The following GSE1 variants were observed in gnomAD, a reference collection of about 807,000 sequenced individuals.
The protein encoded by GSE1 is genetic suppressor element 1.
A neutral mutation model predicts 112.6 loss-of-function variants in GSE1; 32 were observed. That is an observed-to-expected ratio of 0.28 (90% CI 0.21 to 0.38). The LOEUF (loss-of-function observed/expected upper bound fraction) is 0.38, where lower values mean the gene tolerates loss of function less well. GSE1 is among the 10% of genes least tolerant of loss of function. The pLI is 1.00. For synonymous variants in GSE1, 1,115 were observed against 735.6 expected (o/e 1.52, Z -8.35); for missense variants, 2,348 against 1,699.2 (o/e 1.38, Z -6.71).
intron 2 of GSE1, among the ~76,000 whole-genome samples, chr16:85,403,861 C>T (rs1167830207): frequency 6.6e-6 from 1 of 152,132 alleles, no homozygotes; most frequent in Non-Finnish European, 1.5e-5. Context: ...GCCAGAACTC[C>T]AGCATCAAGG....
chr16:85,561,899 C>A (rs1000657833), intron 1 of GSE1, among the ~76,000 whole-genome samples: 4 of 152,204 alleles, frequency 2.6e-5, no homozygotes, highest in Non-Finnish European at 5.9e-5. Context: ...GGGGCTCAGG[C>A]CCACCTGGGT....
intron 14 of GSE1, among the ~76,000 whole-genome samples, chr16:85,668,856 C>T (rs993341210): frequency 5.3e-5 from 8 of 152,234 alleles, no homozygotes; most frequent in African/African-American, 1.9e-4. Flanking sequence ...GCTCTGTGGC[C>T]GGTGGGTGCC....
chr16:85,275,986 G>T (rs1356429298), intron 1 of GSE1, among the ~76,000 whole-genome samples: 1 of 152,234 alleles, frequency 6.6e-6, no homozygotes, highest in Non-Finnish European at 1.5e-5. Flanking sequence ...TGGCCTCAGG[G>T]TCCCCCTCCC....
chr16:85,584,154 G>A (rs568452393), intron 1 of GSE1, among the ~76,000 whole-genome samples: 4 of 150,226 alleles, frequency 2.7e-5, no homozygotes, highest in Non-Finnish European at 5.9e-5. Context: ...CGTGCGTGCC[G>A]GTGCGTGGGC....
At chr16:85,651,660 C>T (rs917648108) in intron 3 of GSE1, among the ~76,000 whole-genome samples, 52 of 152,324 alleles carry the variant, frequency 3.4e-4, no homozygotes, top group African/African-American at 1.1e-3. Flanking sequence ...GTGCTGTCCT[C>T]AGGTCGAGGT....
intron 1 of GSE1, among the ~76,000 whole-genome samples, chr16:85,605,020 T>C: frequency 6.7e-6 from 1 of 148,416 alleles, no homozygotes; most frequent in Non-Finnish European, 1.5e-5. Flanking sequence ...GGTTTCACCG[T>C]GTTAGCCAGG....
intron 8 of GSE1, among the ~76,000 whole-genome samples, chr16:85,657,854 G>T (rs1349224965): frequency 6.6e-6 from 1 of 152,188 alleles, no homozygotes; most frequent in Non-Finnish European, 1.5e-5. Context: ...CATGTTGAGA[G>T]CCAGGGCACT....
chr16:85,605,953 G>A (rs867632149), intron 1 of GSE1, among the ~76,000 whole-genome samples: 4 of 152,146 alleles, frequency 2.6e-5, no homozygotes, highest in Non-Finnish European at 5.9e-5. Context: ...GCTCCCCTCT[G>A]ATTGCTGCCA....
intron 1 of GSE1, among the ~76,000 whole-genome samples, chr16:85,203,086 C>T (rs1318285110): frequency 6.6e-6 from 1 of 151,936 alleles, no homozygotes; most frequent in African/African-American, 2.4e-5. Context: ...GCCTGGATTT[C>T]TCCTGAGATG....
At chr16:85,497,887 C>G (rs2051232957) in intron 2 of GSE1, among the ~76,000 whole-genome samples, 2 of 152,188 alleles carry the variant, frequency 1.3e-5, no homozygotes, top group Admixed American at 6.5e-5. Flanking sequence ...GGGTGGCGCT[C>G]TTGTTATCCC....
rs538754797 is a variant in GSE1 at position 85,538,217 on chromosome 16, ATGGG to A, written c.2465-95695_2465-95692del. ...TGGCCGCCCGGCTGGCCCGCCAGCA[ATGGG>A]TTTTTAATTATCTAAATATTGCCTC... is the stretch of plus-strand genomic sequence containing the variant. On this transcript the variant is annotated intron_variant, in intron 2 of 2. Transcript: ENST00000637419. Among the ~76,000 whole-genome samples, 695 of 152,318 alleles carry A rather than the reference ATGGG, an allele frequency of 4.6e-3. 10 individuals carry two copies. The highest frequency in any genetic ancestry group is 2.6e-3 in the Non-Finnish European group (177 of 68,028).
At position 85,469,499 on chromosome 16, in the gene GSE1, C is replaced by T. The variant is rs766267640; in HGVS notation, c.2464+111856C>T. On this transcript the variant is annotated intron_variant, in intron 2 of 2. Transcript: ENST00000637419. The stretch of plus-strand genomic sequence containing the variant: ...TCTGGGACTGTGAGGGAGGGCATTT[C>T]TTTGTTTTTAGTCACCCAGTTTGTC... Among the ~76,000 whole-genome samples, 3 of 152,270 alleles carry T rather than the reference C, an allele frequency of 2.0e-5. No homozygotes were observed. The South Asian group carries it at 6.2e-4, about 32-fold the overall frequency.
intron 1 of GSE1, among the ~76,000 whole-genome samples, chr16:85,175,565 TC>T (rs969992455): frequency 1.3e-5 from 2 of 152,124 alleles, no homozygotes; most frequent in Non-Finnish European, 2.9e-5. Flanking sequence ...GACGCCCCCT[TC>T]CCCCCGCCCC....
chr16:85,646,348 G>C (rs185981489), intron 2 of GSE1, among the ~76,000 whole-genome samples: 32 of 152,384 alleles, frequency 2.1e-4, no homozygotes, highest in African/African-American at 7.5e-4. Flanking sequence ...CACCTCCTCA[G>C]ATGGCAGCAT....
chr16:85,197,675 A>T (rs4783148), intron 1 of GSE1, among the ~76,000 whole-genome samples: 59,039 of 151,982 alleles, frequency 0.39, 11,985 homozygotes, highest in Middle Eastern at 0.46. Context: ...TCCCTCCGGG[A>T]TCAAGGCCCT....
intron 1 of GSE1, among the ~76,000 whole-genome samples, chr16:85,198,927 C>T (rs963042981): frequency 1.5e-4 from 23 of 151,632 alleles, no homozygotes; most frequent in Non-Finnish European, 2.9e-4. Context: ...TACAGGCATG[C>T]ACCACCACAC....
rs569827365 is a variant in GSE1, at chr16:85,643,318, G to C, written c.227-5234G>C. ...AGCCACGCGGTGAGAATGAGGGTTC[G>C]AGGGCCAGGTGCCAGCCTCGCTAAT... On this transcript the variant is annotated intron_variant, in intron 2 of 15. Coordinates refer to ENST00000253458, the MANE Select transcript of GSE1 (RefSeq NM_014615.5). Among the ~76,000 whole-genome samples the C allele has an allele frequency of 1.1e-4, 16 of 152,232 alleles. No homozygotes were observed. In the South Asian group the frequency reaches 2.7e-3, roughly 26 times the overall value.
chr16:85,548,719 G>A (rs1442977139), intron 2 of GSE1, among the ~76,000 whole-genome samples: 1 of 152,196 alleles, frequency 6.6e-6, no homozygotes, highest in Non-Finnish European at 1.5e-5. Context: ...GGGTGCAGGT[G>A]CTTCCTCTTG....
chr16:85,536,473 G>A (rs565301712), intron 2 of GSE1, among the ~76,000 whole-genome samples: 1 of 152,364 alleles, frequency 6.6e-6, no homozygotes, highest in South Asian at 2.1e-4. Flanking sequence ...CGCCTCTGCA[G>A]TCCTTGCCTG....
Sources: allele counts gnomAD v4.1 joint callset (sites outside exome capture counted in the v4.1 genomes callset), GRCh38; gene constraint gnomAD v4.1.1; transcripts MANE v1.5; gene names NCBI Gene and HGNC (gene_info 2026-07-23, HGNC 2026-07-21).